Variants in LIN7B observed in about 807,000 individuals in gnomAD.
LIN7B encodes the protein protein lin-7 homolog B.
A neutral mutation model predicts 27.9 loss-of-function variants in LIN7B; 16 were observed. That is an observed-to-expected ratio of 0.57 (90% CI 0.39 to 0.87). The LOEUF (loss-of-function observed/expected upper bound fraction) is 0.87. Among genes scored for constraint, LIN7B ranks in the 40% least tolerant of loss-of-function variants. The pLI is 0.00. For synonymous variants in LIN7B, 147 were observed against 120.8 expected (o/e 1.22, Z -1.42); for missense variants, 291 against 288.5 (o/e 1.01, Z -0.06).
rs2040797834 is a variant in LIN7B, at chr19:49,114,834, G to A, written c.38-15G>A. 4.3e-6 allele frequency: 6 copies of A among 1,401,334 alleles called. No homozygotes were observed. Among genetic ancestry groups the A allele is most frequent in the South Asian group, 1.5e-5 (1 of 67,188 alleles). The allele number at this position is 1,401,334 out of a possible 1,614,324, so 86.8% of individuals were successfully genotyped here. A position where few individuals can be genotyped will look rare whatever the true frequency, so the allele number is the denominator to read the frequency against. On this transcript the variant is annotated splice_polypyrimidine_tract_variant and intron_variant, in intron 1 of 5. Coordinates refer to ENST00000221459, the MANE Select transcript of LIN7B (RefSeq NM_022165.3). ...CTGACACTCGGGGTTTCTGCGCCCC[G>A]CCCCCGCCCCGCAGACGTGTCCCGG...
intron 5 of LIN7B, 165 bp downstream of exon 5, chr19:49,118,183 A>C (rs774524177): frequency 8.8e-6 from 12 of 1,357,254 alleles, no homozygotes; most frequent in Non-Finnish European, 1.1e-5. Context: ...AGTTTGGCCA[A>C]ATCCCCTGGG....
rs2040826962 is a variant in LIN7B at position 49,116,440 on chromosome 19, C to T, written c.406C>T (p.Arg136Cys). Residue 136 changes from arginine (R) to cysteine (C), a missense_variant, in exon 4 of 6, where the codon CGT (arginine) becomes TGT (cysteine). Arg to Cys is a radical substitution (Grantham distance 180). Transcript: ENST00000221459. Reference sequence around the variant, plus strand: ...GGCTGACCGCCATGGAGGCCTCAAGCGTGGGGATCAACTGTTGTCGGTGAA... The same window carrying T: ...GGCTGACCGCCATGGAGGCCTCAAGTGTGGGGATCAACTGTTGTCGGTGAA... Reference protein sequence around the residue: ...GVADRHGGLKRGDQLLSVNGV... With the variant: ...GVADRHGGLKCGDQLLSVNGV... 7 of 1,614,120 alleles carry T rather than the reference C, an allele frequency of 4.3e-6. No homozygotes were observed. The highest frequency in any genetic ancestry group is 1.3e-5 in the African/African-American group (1 of 75,038).
intron 1 of LIN7B, 76 bp downstream of exon 1, chr19:49,114,517 G>C: frequency 8.9e-7 from 1 of 1,122,460 alleles, no homozygotes; most frequent in Non-Finnish European, 1.1e-6. Flanking sequence ...GCCCTTCCCG[G>C]GTCAGGCCAG....
intron 5 of LIN7B, 96 bp downstream of exon 5, chr19:49,118,114 C>G (rs535919442): frequency 6.5e-7 from 1 of 1,543,144 alleles, no homozygotes; most frequent in Admixed American, 1.9e-5. Flanking sequence ...TCTTCCAGCC[C>G]TGGCCCCTCC....
chr19:49,116,132 G>A, intron 3 of LIN7B, 131 bp from the exon 4 acceptor site: 1 of 677,742 alleles, frequency 1.5e-6, no homozygotes, highest in Non-Finnish European at 2.5e-6. Context: ...CGTGCATTGT[G>A]CCATGACAAG....
Position 49,116,486 on chromosome 19 carries a change from T to C in LIN7B, c.438+14T>C. Reference sequence around the variant, plus strand: ...GTGAACGGTGTGGTGAGTGGAGGGCTGAGGCAGGACTGGGGGACACAGTCT... The same window carrying C: ...GTGAACGGTGTGGTGAGTGGAGGGCCGAGGCAGGACTGGGGGACACAGTCT... On this transcript the variant is annotated intron_variant, in intron 4 of 5. Coordinates refer to ENST00000221459, the MANE Select transcript of LIN7B (RefSeq NM_022165.3). 1.2e-6 allele frequency: 2 copies of C among 1,610,378 alleles called. No homozygotes were observed. The highest frequency in any genetic ancestry group is 8.5e-7 in the Non-Finnish European group (1 of 1,177,080).
At chr19:49,115,017 C>G in intron 2 of LIN7B, 50 bp downstream of exon 2, 1 of 1,187,232 alleles carries the variant, frequency 8.4e-7, no homozygotes, top group Non-Finnish European at 1.1e-6. Context: ...TCGTCCTCCT[C>G]CTCCTCCTCC....
intron 3 of LIN7B, 198 bp downstream of exon 3, chr19:49,115,529 AGT>A: frequency 1.7e-6 from 1 of 578,544 alleles, no homozygotes; most frequent in Admixed American, 3.0e-5. Context: ...AAATGGAAAC[AGT>A]ATGGCATGGT....
intron 5 of LIN7B, 116 bp downstream of exon 5, chr19:49,118,134 C>G: frequency 6.6e-7 from 1 of 1,507,350 alleles, no homozygotes; most frequent in Non-Finnish European, 9.0e-7. Flanking sequence ...CTCTGGGATC[C>G]TGACCCTTGA....
intron 3 of LIN7B, 134 bp from the exon 4 acceptor site, chr19:49,116,129 T>A (rs2040821552): frequency 1.5e-6 from 1 of 664,708 alleles, no homozygotes; most frequent in Non-Finnish European, 2.6e-6. Flanking sequence ...GATCGTGCAT[T>A]GTGCCATGAC....
intron 4 of LIN7B, 121 bp downstream of exon 4, chr19:49,116,593 C>T: frequency 1.1e-6 from 1 of 929,508 alleles, no homozygotes; most frequent in African/African-American, 1.6e-5. Context: ...CTGTGCTGGG[C>T]AATGTTACAG....
Position 49,117,901 on chromosome 19 carries a change from C to A in LIN7B, c.485C>A (p.Ala162Glu). 1 of 1,611,782 alleles carries A rather than the reference C, an allele frequency of 6.2e-7. No individual in the cohort carries two copies. Among genetic ancestry groups the A allele is most frequent in the Non-Finnish European group, 8.5e-7 (1 of 1,179,258 alleles). ...GAGAAGGCGGTGGAGCTGCTGAAGG[C>A]GGCCCAGGGCTCGGTGAAGCTGGTT... is the stretch of plus-strand genomic sequence containing the variant. ...QHEKAVELLK[A>E]AQGSVKLVVR... The change falls in exon 5 of 6, where the codon GCG becomes GAG. Residue 162 changes from alanine (A) to glutamate (E), a missense_variant. Physicochemically the swap from Ala to Glu is moderately radical, Grantham distance 107. Transcript: ENST00000221459.
At chr19:49,118,239 C>A in intron 5 of LIN7B, 113 bp from the exon 6 acceptor site, 1 of 1,374,986 alleles carries the variant, frequency 7.3e-7, no homozygotes, top group Non-Finnish European at 1.0e-6. Flanking sequence ...CCTACTGTGG[C>A]TGGGATCCCT....
At position 49,114,942 on chromosome 19, in the gene LIN7B, G is replaced by T; in HGVS notation, c.131G>T (p.Ser44Ile). Residue 44 changes from serine to isoleucine, a missense_variant, in exon 2 of 6, where the codon AGC (serine) becomes ATC (isoleucine). Transcript: ENST00000221459. Reference protein sequence around the residue: ...KLQALQRVLQSRFCSAIREVY... With the variant: ...KLQALQRVLQIRFCSAIREVY... The stretch of plus-strand genomic sequence containing the variant: ...CAGGCCCTCCAGCGAGTTCTGCAGA[G>T]CCGCTTCTGCTCCGCTATCCGAGAG... The T allele has an allele frequency of 6.9e-7, 1 of 1,446,260 alleles. No individual in the cohort carries two copies. The highest frequency in any genetic ancestry group is 2.8e-5 in the East Asian group (1 of 35,654). The allele number at this position is 1,446,260 out of a possible 1,614,324, so 89.6% of individuals were successfully genotyped here. A position where few individuals can be genotyped will look rare whatever the true frequency, so the allele number is the denominator to read the frequency against.
chr19:49,115,076 G>A (rs944698669), intron 2 of LIN7B, 109 bp downstream of exon 2: 28 of 919,880 alleles, frequency 3.0e-5, no homozygotes, highest in East Asian at 9.7e-5. Context: ...TCCCGAGGCG[G>A]CCCGCCTTGG....
In LIN7B at chr19:49,115,830, C is replaced by G. The variant is rs188454202; in HGVS notation, c.229-433C>G. On this transcript the variant is annotated intron_variant, in intron 3 of 5. Transcript: ENST00000221459. ...GTGAAACCCCGTCTCCACAGAAATA[C>G]AAAAAAAAAAAAAAAGAAAGAAAAA... is the stretch of plus-strand genomic sequence containing the variant. 673 of 76,724 alleles carry G rather than the reference C, an allele frequency of 8.8e-3. 3 individuals are homozygous for G. The highest frequency in any genetic ancestry group is 0.033 in the African/African-American group (642 of 19,266). The allele number at this position is 76,724 out of a possible 1,614,324, so 4.8% of individuals were successfully genotyped here. A position where few individuals can be genotyped will look rare whatever the true frequency, so the allele number is the denominator to read the frequency against.
chr19:49,114,507 G>A (rs530639772), intron 1 of LIN7B, 66 bp downstream of exon 1: 3 of 1,145,760 alleles, frequency 2.6e-6, no homozygotes, highest in East Asian at 3.4e-5. Context: ...CCCGGTCCCC[G>A]CCCTTCCCGG....
At position 49,118,425 on chromosome 19, in the gene LIN7B, G is replaced by A; in HGVS notation, c.*52G>A. 1 of 1,604,100 alleles carries A rather than the reference G, an allele frequency of 6.2e-7. No homozygotes were observed. Among genetic ancestry groups the A allele is most frequent in the South Asian group, 1.1e-5 (1 of 90,842 alleles). On this transcript the variant is annotated 3_prime_UTR_variant, in exon 6 of 6. Coordinates refer to ENST00000221459, the MANE Select transcript of LIN7B (RefSeq NM_022165.3). ...ACTCTCTTCCTGTACAGTATTTATT[G>A]TTCCTGGCACTTTATTTAAAGATAT... is the stretch of plus-strand genomic sequence containing the variant.
At position 49,117,928 on chromosome 19, in the gene LIN7B, T is replaced by G. The variant is rs950700396; in HGVS notation, c.512T>G (p.Val171Gly). 6.2e-7 allele frequency: 1 copy of G among 1,614,102 alleles called. No homozygotes were observed. Residue 171 changes from valine (V) to glycine (G), a missense_variant, in exon 5 of 6, where the codon GTC (valine) becomes GGC (glycine). Val to Gly is a moderately radical substitution (Grantham distance 109). Coordinates refer to ENST00000221459, the MANE Select transcript of LIN7B (RefSeq NM_022165.3). ...KAAQGSVKLVVRYTPRVLEEM... is the reference protein window; with the variant it reads ...KAAQGSVKLVGRYTPRVLEEM... Reference sequence around the variant, plus strand: ...GCCCAGGGCTCGGTGAAGCTGGTTGTCCGTTACACACCGCGAGTGCTGGAG... The same window carrying G: ...GCCCAGGGCTCGGTGAAGCTGGTTGGCCGTTACACACCGCGAGTGCTGGAG...
Sources: gnomAD v4.1 joint callset for allele counts on GRCh38, gnomAD v4.1.1 for gene constraint, MANE v1.5 for transcripts, NCBI Gene and HGNC (gene_info 2026-07-23, HGNC 2026-07-21) for gene names.